The following PTPRM variants were observed in gnomAD, a reference collection of about 807,000 sequenced individuals.
The protein encoded by PTPRM is receptor-type tyrosine-protein phosphatase mu.
PTPRM carries 47 observed loss-of-function variants against 186.7 expected under a neutral mutation model. The ratio of observed to expected loss-of-function variants is 0.25; its 90% CI spans 0.20 to 0.32. The LOEUF is 0.32. Ranked by LOEUF, PTPRM falls within the 10% of genes least tolerant of loss-of-function variation. The probability of loss-of-function intolerance (pLI) is 1.00; values close to 1 mark genes in which losing one functional copy is unlikely to be tolerated. For synonymous variants in PTPRM, 668 were observed against 674.9 expected, an observed-to-expected ratio of 0.99 and a Z score of 0.16; for missense variants, 1,494 against 1,865.0, an observed-to-expected ratio of 0.80 and a Z score of 3.66.
intron 12 of PTPRM, among the ~76,000 whole-genome samples, chr18:8,114,328 G>A (rs986931428): frequency 6.6e-6 from 1 of 152,048 alleles, no homozygotes; most frequent in African/African-American, 2.4e-5. Flanking sequence ...TGATAAGATT[G>A]TAAACTCTCC....
chr18:8,311,412 C>G lies in PTPRM; in HGVS notation c.2843-3369C>G, dbSNP rs78229056. Among the ~76,000 whole-genome samples the G allele has an allele frequency of 1.4e-4, 22 of 152,098 alleles. No individual in the cohort carries two copies. The East Asian group carries it at 4.1e-3, about 28-fold the overall frequency. Reference sequence around the variant, plus strand: ...CCATTCATTAGCATGGGGAAGAGTTCAATCCTTGTTGCTCACTTGCTGTGT... The same window carrying G: ...CCATTCATTAGCATGGGGAAGAGTTGAATCCTTGTTGCTCACTTGCTGTGT... On this transcript the variant is annotated intron_variant, in intron 20 of 32. Transcript: ENST00000580170.
At chr18:7,680,644 T>C (rs1478513208) in intron 1 of PTPRM, among the ~76,000 whole-genome samples, 2 of 152,248 alleles carry the variant, frequency 1.3e-5, no homozygotes, top group Non-Finnish European at 2.9e-5. Context: ...AAATGTTTCT[T>C]TGCTGCTTTA....
In PTPRM at chr18:7,668,276, T is replaced by TTTTG. The variant is rs2039142693; in HGVS notation, c.73+100386_73+100389dup. Among the ~76,000 whole-genome samples, 1 of 152,168 alleles carries TTTTG rather than the reference T, an allele frequency of 6.6e-6. No individual in the cohort carries two copies. The highest frequency in any genetic ancestry group is 2.4e-5 in the African/African-American group (1 of 41,444). ...GGTGTGAATAGTCACAGTGCCACCA[T>TTTTG]TTTGGGTCCTGGTAATGGTGGTTTT... On this transcript the variant is annotated intron_variant, in intron 1 of 32. Transcript: ENST00000580170. The surrounding 1 kb of genome is among the most constrained non-coding windows in gnomAD (Gnocchi z 4.7).
rs73391517 is a variant in PTPRM at position 7,707,498 on chromosome 18, G to T, written c.74-66651G>T. On this transcript the variant is annotated intron_variant, in intron 1 of 32. Coordinates refer to ENST00000580170, the MANE Select transcript of PTPRM (RefSeq NM_001105244.2). Reference sequence around the variant, plus strand: ...TAATAATAATAATAAAATTAGCTGCGTGTAGTGGTGCATGCCTGTCATTCC... The same window carrying T: ...TAATAATAATAATAAAATTAGCTGCTTGTAGTGGTGCATGCCTGTCATTCC... Among the ~76,000 whole-genome samples the T allele has an allele frequency of 1.5e-4, 23 of 152,010 alleles. No individual in the cohort carries two copies. The South Asian group carries it at 4.6e-3, about 30-fold the overall frequency.
intron 13 of PTPRM, among the ~76,000 whole-genome samples, chr18:8,126,015 A>ATTT (rs1568383678): frequency 4.1e-5 from 1 of 24,118 alleles, no homozygotes; most frequent in Non-Finnish European, 9.0e-5. Context: ...ATATATATAT[A>ATTT]TATATATATA....
chr18:8,247,967 A>G lies in PTPRM; in HGVS notation c.2527+48A>G, dbSNP rs114200948. 782 of 1,481,090 alleles carry G rather than the reference A, an allele frequency of 5.3e-4. 4 individuals are homozygous for G. In the African/African-American group the frequency reaches 0.01, roughly 19 times the overall value. The allele number at this position is 1,481,090 out of a possible 1,614,324, so 91.7% of individuals were successfully genotyped here. ...CCTCTCTGCTCTCTCCTCAGCAGTC[A>G]GAATCACTCCGCCCTCTCTCTGCTA... On this transcript the variant is annotated intron_variant, in intron 16 of 32. Coordinates refer to ENST00000580170, the MANE Select transcript of PTPRM (RefSeq NM_001105244.2).
chr18:7,721,897 GT>G (rs901554682), intron 1 of PTPRM, among the ~76,000 whole-genome samples: 1 of 152,146 alleles, frequency 6.6e-6, no homozygotes, highest in Non-Finnish European at 1.5e-5. Context: ...AATGTATAGA[GT>G]TCCTATATAT....
intron 5 of PTPRM, among the ~76,000 whole-genome samples, chr18:7,934,202 C>T (rs146956494): frequency 5.6e-4 from 85 of 152,294 alleles, no homozygotes; most frequent in Middle Eastern, 6.8e-3. Context: ...ACGCCATCCA[C>T]CTTTTGTAAA....
intron 4 of PTPRM, among the ~76,000 whole-genome samples, chr18:7,908,943 G>C (rs532416477): frequency 2.6e-5 from 4 of 152,350 alleles, no homozygotes; most frequent in African/African-American, 9.6e-5. Context: ...AAACATAAGA[G>C]CTGTAATTGC....
chr18:7,570,956 T>G (rs74747152), intron 1 of PTPRM, among the ~76,000 whole-genome samples: 1 of 119,342 alleles, frequency 8.4e-6, no homozygotes, highest in African/African-American at 3.1e-5. Context: ...TTTTTTTTTT[T>G]GGAGATAGAG....
intron 1 of PTPRM, among the ~76,000 whole-genome samples, chr18:7,710,811 G>GTAAAA (rs148615508): frequency 6.6e-6 from 1 of 151,778 alleles, no homozygotes; most frequent in East Asian, 1.9e-4. Context: ...TACCAATAAA[G>GTAAAA]TAAAATAAAA....
At chr18:7,795,443 T>C (rs1223830950) in intron 2 of PTPRM, among the ~76,000 whole-genome samples, 6 of 150,396 alleles carry the variant, frequency 4.0e-5, no homozygotes, top group Non-Finnish European at 7.4e-5. Flanking sequence ...CTTAGGTTTA[T>C]AGAAGAAATT....
intron 2 of PTPRM, among the ~76,000 whole-genome samples, chr18:7,866,168 T>C (rs913968404): frequency 7.9e-5 from 12 of 152,206 alleles, no homozygotes; most frequent in Admixed American, 4.6e-4. Flanking sequence ...TGAAGGTTTT[T>C]TCTTGTCTCT....
chr18:8,006,048 C>G (rs2084167166), intron 7 of PTPRM, among the ~76,000 whole-genome samples: 1 of 152,138 alleles, frequency 6.6e-6, no homozygotes, highest in South Asian at 2.1e-4. Context: ...TTGCCTGATG[C>G]TGCTGGAGCC....
At chr18:7,625,986 C>T (rs967297034) in intron 1 of PTPRM, among the ~76,000 whole-genome samples, 15 of 152,142 alleles carry the variant, frequency 9.9e-5, no homozygotes, top group South Asian at 2.1e-4. Flanking sequence ...CTGAAACAGC[C>T]GTTTCAGCCT....
intron 9 of PTPRM, among the ~76,000 whole-genome samples, chr18:8,084,717 C>T (rs539063353): frequency 2.3e-4 from 35 of 152,186 alleles, no homozygotes; most frequent in Middle Eastern, 3.4e-3. Flanking sequence ...TTAAAACTTT[C>T]GAATATGCCA....
chr18:7,857,197 G>A (rs1406385796), intron 2 of PTPRM, among the ~76,000 whole-genome samples: 1 of 152,096 alleles, frequency 6.6e-6, no homozygotes, highest in Non-Finnish European at 1.5e-5. Context: ...GTTGACAGAT[G>A]GTCACATTCA....
At chr18:8,128,289 T>C (rs886387684) in intron 13 of PTPRM, among the ~76,000 whole-genome samples, 4 of 152,182 alleles carry the variant, frequency 2.6e-5, no homozygotes, top group Admixed American at 6.5e-5. Flanking sequence ...ATAAGATGAT[T>C]AACAATTCAC....
rs192499770 is a variant in PTPRM, at chr18:8,065,353, T to G, written c.1133-4333T>G. On this transcript the variant is annotated intron_variant, in intron 7 of 32. Coordinates refer to ENST00000580170, the MANE Select transcript of PTPRM (RefSeq NM_001105244.2). ...GGCTAGAAGTGGGCTTGCTCGTCCC[T>G]TAGGTCAGACTTCTCTGCTGGAAAC... is the stretch of plus-strand genomic sequence containing the variant. Among the ~76,000 whole-genome samples the G allele has an allele frequency of 2.0e-4, 31 of 152,280 alleles. No homozygotes were observed. The East Asian group carries it at 5.8e-3, about 28-fold the overall frequency.
Sources: allele counts gnomAD v4.1 joint callset (sites outside exome capture counted in the v4.1 genomes callset), GRCh38; gene constraint gnomAD v4.1.1; non-coding constraint Gnocchi (gnomAD v3.1); transcripts MANE v1.5; gene names NCBI Gene and HGNC (gene_info 2026-07-23, HGNC 2026-07-21).